ABLIM2: variants seen among roughly 807,000 people sequenced by gnomAD.
The protein encoded by ABLIM2 is actin-binding LIM protein 2.
A neutral mutation model predicts 97.7 loss-of-function variants in ABLIM2; 53 were observed. That is an observed-to-expected ratio of 0.54 (90% CI 0.44 to 0.68). The LOEUF (loss-of-function observed/expected upper bound fraction) is 0.68, where lower values mean the gene tolerates loss of function less well. ABLIM2 is among the 30% of genes least tolerant of loss of function. The pLI, the probability that ABLIM2 is intolerant of heterozygous loss-of-function variation, is 0.00. For missense variants in ABLIM2, 835 were observed against 867.2 expected, an observed-to-expected ratio of 0.96 and a Z score of 0.47; for synonymous variants, 361 against 345.8, an observed-to-expected ratio of 1.04 and a Z score of -0.49.
At chr4:7,983,162 C>A in intron 20 of ABLIM2, 102 bp downstream of exon 20, 1 of 1,234,386 alleles carries the variant, frequency 8.1e-7, no homozygotes, top group Non-Finnish European at 1.2e-6. Context: ...CACTGTCCCC[C>A]ACGGTGGCCC....
chr4:8,027,193 A>G (rs1777961700), intron 12 of ABLIM2, among the ~76,000 whole-genome samples: 1 of 152,212 alleles, frequency 6.6e-6, no homozygotes. Context: ...TTCAGTCCAC[A>G]GCATACAGGA....
chr4:8,020,131 T>G, intron 13 of ABLIM2, 71 bp downstream of exon 13: 1 of 1,416,146 alleles, frequency 7.1e-7, no homozygotes, highest in Non-Finnish European at 9.7e-7. Flanking sequence ...AAGCTGACAG[T>G]TTGGGTGTGG....
In ABLIM2 at chr4:8,022,102, T is replaced by C. The variant is rs566458394; in HGVS notation, c.1268-1799A>G. ...ACGGCTGTGCTGGACCCATCCCCACTGGCAGCAAAACAGGGCAGGTTTTAA... is the reference window on the plus strand; with the variant it reads ...ACGGCTGTGCTGGACCCATCCCCACCGGCAGCAAAACAGGGCAGGTTTTAA... On this transcript the variant is annotated intron_variant, in intron 12 of 20. Coordinates refer to ENST00000447017, the MANE Select transcript of ABLIM2 (RefSeq NM_001130083.2). This position sits in a 1 kb window ranked among gnomAD's most constrained non-coding sequence, Gnocchi z 7.8. Among the ~76,000 whole-genome samples the C allele has an allele frequency of 1.3e-5, 2 of 152,264 alleles. No individual in the cohort carries two copies. Among genetic ancestry groups the C allele is most frequent in the African/African-American group, 2.4e-5 (1 of 41,570 alleles).
intron 12 of ABLIM2, among the ~76,000 whole-genome samples, chr4:8,024,646 T>C: frequency 6.6e-6 from 1 of 152,096 alleles, no homozygotes; most frequent in Admixed American, 6.5e-5. Context: ...ACAGGCACCT[T>C]CGTGTGGCCT....
chr4:7,993,140 C>T (rs1235354157), intron 16 of ABLIM2, among the ~76,000 whole-genome samples: 1 of 152,228 alleles, frequency 6.6e-6, no homozygotes, highest in Non-Finnish European at 1.5e-5. Context: ...CCTGAGCCTG[C>T]CCGTGACACC....
rs1354315085 is a variant in ABLIM2, at chr4:8,001,916, A to G, written c.1618+6143T>C. On this transcript the variant is annotated intron_variant, in intron 16 of 20. Coordinates refer to ENST00000447017, the MANE Select transcript of ABLIM2 (RefSeq NM_001130083.2). The surrounding 1 kb of genome is among the most constrained non-coding windows in gnomAD (Gnocchi z 4.2). Reference sequence around the variant, plus strand: ...CCCACCTGCCCGCTTGTCAGCACACACATGTGCGTGCTCTCTCTCTCTTTT... The same window carrying G: ...CCCACCTGCCCGCTTGTCAGCACACGCATGTGCGTGCTCTCTCTCTCTTTT... Among the ~76,000 whole-genome samples the G allele has an allele frequency of 6.6e-6, 1 of 152,052 alleles. No individual in the cohort carries two copies. The highest frequency in any genetic ancestry group is 1.5e-5 in the Non-Finnish European group (1 of 68,012).
chr4:8,110,350 G>A (rs757453371), intron 1 of ABLIM2, among the ~76,000 whole-genome samples: 3 of 152,312 alleles, frequency 2.0e-5, no homozygotes, highest in African/African-American at 4.8e-5. Context: ...GGGGGACAGC[G>A]CGGGTGGTGG....
At chr4:8,114,151 G>A (rs1430689112) in intron 1 of ABLIM2, among the ~76,000 whole-genome samples, 2 of 152,238 alleles carry the variant, frequency 1.3e-5, no homozygotes, top group South Asian at 2.1e-4. Context: ...GGCGGGGGCT[G>A]TGCCCGAGGG....
chr4:8,073,219 G>C (rs1813559168), intron 6 of ABLIM2, among the ~76,000 whole-genome samples: 1 of 151,510 alleles, frequency 6.6e-6, no homozygotes. Context: ...GGTAGGGGTG[G>C]GGGTGGTGTG....
At chr4:8,100,255 C>T (rs1202937199) in intron 2 of ABLIM2, among the ~76,000 whole-genome samples, 1 of 152,202 alleles carries the variant, frequency 6.6e-6, no homozygotes, top group Non-Finnish European at 1.5e-5. Flanking sequence ...CAACAATGTT[C>T]CCTGCATTAT....
intron 12 of ABLIM2, among the ~76,000 whole-genome samples, chr4:8,024,417 T>A (rs1775991164): frequency 6.6e-6 from 1 of 150,666 alleles, no homozygotes; most frequent in Admixed American, 6.6e-5. Flanking sequence ...CGGTGGGGGG[T>A]GGGGCCAGGC....
At chr4:8,109,368 G>A (rs975565215) in intron 1 of ABLIM2, among the ~76,000 whole-genome samples, 1 of 152,238 alleles carries the variant, frequency 6.6e-6, no homozygotes, top group Non-Finnish European at 1.5e-5. Context: ...GCGTATTCAC[G>A]CACAGACGTA....
chr4:8,155,882 G>A lies in ABLIM2; in HGVS notation c.10+2798C>T, dbSNP rs1184371792. 6.6e-6 allele frequency among the ~76,000 whole-genome samples: 1 copy of A among 152,006 alleles called. No homozygotes were observed. Among genetic ancestry groups the A allele is most frequent in the African/African-American group, 2.4e-5 (1 of 41,346 alleles). On this transcript the variant is annotated intron_variant, in intron 1 of 20. Coordinates refer to ENST00000447017, the MANE Select transcript of ABLIM2 (RefSeq NM_001130083.2). The surrounding 1 kb of genome is among the most constrained non-coding windows in gnomAD (Gnocchi z 4.2). The stretch of plus-strand genomic sequence containing the variant: ...AGGGAAGACGGGGCGAGGACACAGG[G>A]AGAGGGCGGCCGTCCACAAGCCAAG...
At chr4:7,993,200 G>T (rs1750355941) in intron 16 of ABLIM2, among the ~76,000 whole-genome samples, 1 of 152,240 alleles carries the variant, frequency 6.6e-6, no homozygotes, top group African/African-American at 2.4e-5. Context: ...TCAGGGACAG[G>T]CTCGGGCCTG....
intron 1 of ABLIM2, among the ~76,000 whole-genome samples, chr4:8,110,146 C>T (rs548216474): frequency 3.7e-4 from 57 of 152,260 alleles, no homozygotes; most frequent in Non-Finnish European, 7.1e-4. Context: ...GGTGATGCAC[C>T]CAGTCCACAT....
intron 6 of ABLIM2, among the ~76,000 whole-genome samples, chr4:8,074,103 A>C (rs1814321194): frequency 6.7e-6 from 1 of 149,946 alleles, no homozygotes. Flanking sequence ...AAAAAAAAAA[A>C]AAAAAAAAAA....
At chr4:7,984,205 T>G (rs1741435522) in intron 18 of ABLIM2, among the ~76,000 whole-genome samples, 1 of 152,214 alleles carries the variant, frequency 6.6e-6, no homozygotes. Context: ...GTTTCACCAC[T>G]TGCCCCGTGT....
chr4:7,980,949 T>C (rs959336648), intron 20 of ABLIM2, among the ~76,000 whole-genome samples: 1 of 126,496 alleles, frequency 7.9e-6, no homozygotes, highest in African/African-American at 3.1e-5. Context: ...TTATTTTTTT[T>C]TTTTTTTTTT....
chr4:7,983,165 G>A lies in ABLIM2; in HGVS notation c.1824+99C>T, dbSNP rs566338028. 1.1e-4 allele frequency: 145 copies of A among 1,269,614 alleles called. No homozygotes were observed. The East Asian group carries it at 2.7e-3, about 23-fold the overall frequency. The allele number at this position is 1,269,614 out of a possible 1,614,324, so 78.6% of individuals were successfully genotyped here. ...GGCAAGGCTCTGCACTGTCCCCCAC[G>A]GTGGCCCCTTGGGCAACGACCTTGA... On this transcript the variant is annotated intron_variant, in intron 20 of 20. Transcript: ENST00000447017.
Sources: gnomAD v4.1 joint callset for allele counts (sites outside exome capture counted in the v4.1 genomes callset) on GRCh38, gnomAD v4.1.1 for gene constraint, Gnocchi (gnomAD v3.1) non-coding constraint, MANE v1.5 for transcripts, NCBI Gene and HGNC (gene_info 2026-07-23, HGNC 2026-07-21) for gene names.